The following UNC5C variants were observed in gnomAD, a reference collection of about 807,000 sequenced individuals.
The protein encoded by UNC5C is netrin receptor UNC5C.
A neutral mutation model predicts 99.8 loss-of-function variants in UNC5C; 47 were observed. That is an observed-to-expected ratio of 0.47 (90% CI 0.37 to 0.60). The LOEUF is 0.60. UNC5C is among the 20% of genes least tolerant of loss of function. UNC5C has a pLI of 0.00. For synonymous variants in UNC5C, 487 were observed against 452.2 expected (o/e 1.08, Z -0.98); for missense variants, 1,062 against 1,165.9 (o/e 0.91, Z 1.30).
chr4:95,314,609 C>A (rs1288351334), intron 2 of UNC5C, among the ~76,000 whole-genome samples: 1 of 152,142 alleles, frequency 6.6e-6, no homozygotes, highest in African/African-American at 2.4e-5. Flanking sequence ...AAGCTAACAT[C>A]CATATTTTAA....
chr4:95,257,410 A>C (rs1050447539), intron 4 of UNC5C, among the ~76,000 whole-genome samples: 1 of 152,066 alleles, frequency 6.6e-6, no homozygotes, highest in African/African-American at 2.4e-5. Flanking sequence ...TCTCCAAAAA[A>C]CAGAAAAGAA....
intron 1 of UNC5C, among the ~76,000 whole-genome samples, chr4:95,442,375 T>TA (rs1746975248): frequency 6.7e-6 from 1 of 149,928 alleles, no homozygotes; most frequent in Admixed American, 6.6e-5. Flanking sequence ...GCTAATTTTT[T>TA]TTTTTTTTTT....
intron 1 of UNC5C, among the ~76,000 whole-genome samples, chr4:95,380,794 G>C (rs1169138546): frequency 6.6e-6 from 1 of 152,088 alleles, no homozygotes; most frequent in Non-Finnish European, 1.5e-5. Flanking sequence ...TAATTTCTAT[G>C]ATTAAGCATT....
chr4:95,217,186 G>T (rs1288842617), intron 9 of UNC5C, among the ~76,000 whole-genome samples: 1 of 152,218 alleles, frequency 6.6e-6, no homozygotes, highest in Admixed American at 6.5e-5. Flanking sequence ...CTGTCTTTGA[G>T]TAATTCATAA....
intron 1 of UNC5C, among the ~76,000 whole-genome samples, chr4:95,340,923 G>A (rs1037297204): frequency 6.6e-6 from 1 of 151,892 alleles, no homozygotes; most frequent in African/African-American, 2.4e-5. Context: ...ACCCCCTTTT[G>A]CAAATAATTT....
intron 1 of UNC5C, among the ~76,000 whole-genome samples, chr4:95,374,058 C>T (rs1030109933): frequency 3.3e-5 from 5 of 152,030 alleles, no homozygotes; most frequent in African/African-American, 9.7e-5. Context: ...TCGGGGAGCA[C>T]GTACTCTGAT....
At chr4:95,331,038 G>T (rs1269231926) in intron 2 of UNC5C, among the ~76,000 whole-genome samples, 2 of 151,956 alleles carry the variant, frequency 1.3e-5, no homozygotes, top group African/African-American at 4.8e-5. Context: ...ACATTATTTA[G>T]CTCTCACAAG....
chr4:95,296,917 C>A (rs1358760480), intron 3 of UNC5C, among the ~76,000 whole-genome samples: 1 of 152,186 alleles, frequency 6.6e-6, no homozygotes, highest in East Asian at 1.9e-4. Context: ...CTACCAGGAT[C>A]CCCTTTCAGG....
At chr4:95,361,832 T>G (rs1251894953) in intron 1 of UNC5C, among the ~76,000 whole-genome samples, 1 of 152,166 alleles carries the variant, frequency 6.6e-6, no homozygotes, top group African/African-American at 2.4e-5. Flanking sequence ...TGAATCATAC[T>G]GAACCAAAGG....
At chr4:95,173,999 T>C (rs1301298464) in intron 14 of UNC5C, among the ~76,000 whole-genome samples, 22 of 152,298 alleles carry the variant, frequency 1.4e-4, no homozygotes, top group Non-Finnish European at 2.6e-4. Flanking sequence ...AATTTATCCA[T>C]TTCTTCTAGA....
intron 1 of UNC5C, among the ~76,000 whole-genome samples, chr4:95,435,316 A>C (rs1433273533): frequency 1.1e-5 from 1 of 87,246 alleles, no homozygotes; most frequent in African/African-American, 3.2e-5. Context: ...TCATTTAATT[A>C]TGTTTATGTT....
intron 15 of UNC5C, among the ~76,000 whole-genome samples, chr4:95,169,893 G>A (rs1284150963): frequency 6.6e-6 from 1 of 152,128 alleles, no homozygotes; most frequent in African/African-American, 2.4e-5. Context: ...ATGATTTGGG[G>A]AATTTAGCCC....
chr4:95,547,861 T>C (rs888249065), intron 1 of UNC5C, among the ~76,000 whole-genome samples: 4 of 152,086 alleles, frequency 2.6e-5, no homozygotes, highest in Admixed American at 2.6e-4. Context: ...CCTCCTCCCT[T>C]ACCCATCCCC....
At chr4:95,175,144 C>T (rs1209791626) in intron 14 of UNC5C, among the ~76,000 whole-genome samples, 13 of 151,186 alleles carry the variant, frequency 8.6e-5, no homozygotes, top group African/African-American at 1.5e-4. Context: ...TGTCTCTGCA[C>T]GTGAGATGGG....
intron 1 of UNC5C, among the ~76,000 whole-genome samples, chr4:95,497,575 T>C (rs939949579): frequency 6.6e-6 from 1 of 151,986 alleles, no homozygotes; most frequent in African/African-American, 2.4e-5. Flanking sequence ...AAATCACTAA[T>C]GGTCTCTCAG....
intron 1 of UNC5C, among the ~76,000 whole-genome samples, chr4:95,481,147 A>C (rs1332478955): frequency 2.1e-3 from 313 of 151,724 alleles, no homozygotes; most frequent in African/African-American, 6.1e-3. Flanking sequence ...AGCTGATAAG[A>C]AACTTCAGCA....
At chr4:95,328,901 A>G (rs1743006833) in intron 2 of UNC5C, among the ~76,000 whole-genome samples, 1 of 152,120 alleles carries the variant, frequency 6.6e-6, no homozygotes. Flanking sequence ...TGGAGCCCAA[A>G]GGCACTCGCC....
At chr4:95,279,311 G>A (rs543476203) in intron 3 of UNC5C, among the ~76,000 whole-genome samples, 1 of 152,166 alleles carries the variant, frequency 6.6e-6, no homozygotes, top group African/African-American at 2.4e-5. Context: ...ACATATCCCA[G>A]GCATCTAATT....
intron 1 of UNC5C, among the ~76,000 whole-genome samples, chr4:95,443,023 T>C (rs1560834322): frequency 6.6e-6 from 1 of 152,074 alleles, no homozygotes; most frequent in Non-Finnish European, 1.5e-5. Flanking sequence ...GATAAGCTAA[T>C]TCCAAAAAAA....
Sources: allele counts gnomAD v4.1 joint callset (sites outside exome capture counted in the v4.1 genomes callset), GRCh38; gene constraint gnomAD v4.1.1; transcripts MANE v1.5; gene names NCBI Gene and HGNC (gene_info 2026-07-23, HGNC 2026-07-21).